ARHGAP6: variants seen among roughly 807,000 people sequenced by gnomAD.
ARHGAP6 encodes rho GTPase-activating protein 6.
Under a neutral mutation model 55.7 loss-of-function variants are expected in ARHGAP6, and 16 were observed. That is an observed-to-expected ratio of 0.29 (90% CI 0.19 to 0.44). ARHGAP6 has a LOEUF of 0.44. Ranked by LOEUF, ARHGAP6 falls within the 20% of genes least tolerant of loss-of-function variation. ARHGAP6 has a pLI of 1.00. For synonymous variants in ARHGAP6, 382 were observed against 360.9 expected, an observed-to-expected ratio of 1.06 and a Z score of -0.66; for missense variants, 698 against 808.9, an observed-to-expected ratio of 0.86 and a Z score of 1.66.
At chrX:11,590,458 C>CAA (rs111698496) in intron 1 of ARHGAP6, among the ~76,000 whole-genome samples, 2 of 103,348 alleles carry the variant, frequency 1.9e-5, no homozygotes, top group Non-Finnish European at 4.0e-5. Flanking sequence ...AATTATTAAA[C>CAA]AAAAAAAAAA....
At chrX:11,435,710 T>C (rs1393425675) in intron 1 of ARHGAP6, among the ~76,000 whole-genome samples, 1 of 111,938 alleles carries the variant, frequency 8.9e-6, no homozygotes, top group Non-Finnish European at 1.9e-5. Flanking sequence ...GCAGATAGCA[T>C]GAGACAAAGT....
Position 11,232,464 on chromosome X carries a change from TAC to T in ARHGAP6, c.748+22082_748+22083del, listed in dbSNP as rs1184749026. On this transcript the variant is annotated intron_variant, in intron 2 of 12. Transcript: ENST00000337414. ...GGTGAAACCTCATCTCTACTAAAAA[TAC>T]ACACAAAAAAAAAAAATTAGCTGGG... Among the ~76,000 whole-genome samples the T allele has an allele frequency of 3.3e-3, 349 of 106,703 alleles. 7 individuals carry two copies. Among genetic ancestry groups the T allele is most frequent in the Admixed American group, 0.031 (309 of 9,894 alleles). 92.7% of individuals were successfully genotyped at this position (106,703 alleles called of 115,157 possible).
intron 1 of ARHGAP6, among the ~76,000 whole-genome samples, chrX:11,367,616 T>G (rs1031087959): frequency 8.9e-6 from 1 of 112,555 alleles, no homozygotes; most frequent in African/African-American, 3.2e-5. Context: ...ATAAATAATA[T>G]GGTCATTTAA....
At chrX:11,487,858 T>C (rs111700183) in intron 1 of ARHGAP6, among the ~76,000 whole-genome samples, 9,235 of 111,647 alleles carry the variant, frequency 0.083, 411 homozygotes, top group East Asian at 0.18. Flanking sequence ...GTGATGGAAA[T>C]AGAAAATTAT....
intron 1 of ARHGAP6, among the ~76,000 whole-genome samples, chrX:11,328,977 T>G (rs747568538): frequency 1.8e-5 from 2 of 112,200 alleles, no homozygotes; most frequent in African/African-American, 6.5e-5. Context: ...AAAATCTAAT[T>G]CTGCAAAAGA....
chrX:11,572,820 T>C (rs1205243474), intron 1 of ARHGAP6, among the ~76,000 whole-genome samples: 1 of 111,560 alleles, frequency 9.0e-6, no homozygotes, highest in Non-Finnish European at 1.9e-5. Flanking sequence ...GTAAAAGTGT[T>C]CCTATTTCTC....
At chrX:11,564,078 A>G (rs1467878522) in intron 1 of ARHGAP6, among the ~76,000 whole-genome samples, 1 of 111,621 alleles carries the variant, frequency 9.0e-6, no homozygotes, top group Non-Finnish European at 1.9e-5. Context: ...CTTTTATTCC[A>G]ATGAAAAACA....
At chrX:11,296,144 C>T (rs887629880) in intron 1 of ARHGAP6, among the ~76,000 whole-genome samples, 2 of 112,632 alleles carry the variant, frequency 1.8e-5, no homozygotes, top group Non-Finnish European at 3.7e-5. Flanking sequence ...TTCCACTTTG[C>T]TCCACCCATC....
At chrX:11,311,234 C>T (rs752209570) in intron 1 of ARHGAP6, among the ~76,000 whole-genome samples, 6 of 111,758 alleles carry the variant, frequency 5.4e-5, no homozygotes, top group East Asian at 2.8e-4. Context: ...AAGAAAAGGT[C>T]GACATTCTTA....
intron 9 of ARHGAP6, among the ~76,000 whole-genome samples, chrX:11,159,916 A>G (rs967879409): frequency 4.5e-5 from 5 of 111,167 alleles, no homozygotes; most frequent in Non-Finnish European, 9.4e-5. Context: ...TCCAAAGATC[A>G]TCACCCAACA....
chrX:11,418,449 A>AG (rs1301145975), intron 1 of ARHGAP6, among the ~76,000 whole-genome samples: 1 of 112,033 alleles, frequency 8.9e-6, no homozygotes, highest in Non-Finnish European at 1.9e-5. Context: ...CCCATCAACC[A>AG]GAAAAAAAGC....
chrX:11,329,179 C>A (rs1398844999), intron 1 of ARHGAP6, among the ~76,000 whole-genome samples: 1 of 111,819 alleles, frequency 8.9e-6, no homozygotes, highest in Non-Finnish European at 1.9e-5. Flanking sequence ...GCAATGTTGG[C>A]ACCAGAGTTA....
intron 3 of ARHGAP6, among the ~76,000 whole-genome samples, chrX:11,191,446 C>T (rs1569249092): frequency 8.9e-6 from 1 of 111,878 alleles, no homozygotes; most frequent in Admixed American, 9.5e-5. Context: ...GGCTGGTGGG[C>T]CACCCCTGCT....
rs1005223583 is a variant in ARHGAP6, at chrX:11,276,213, TC to T, written c.589-21507del. Among the ~76,000 whole-genome samples the T allele has an allele frequency of 3.6e-5, 4 of 110,642 alleles. No individual in the cohort carries two copies. The Admixed American group carries it at 3.9e-4, about 11-fold the overall frequency. ...CTCCTATGTAACCATCACACTCATC[TC>T]CCCCCGACCCTGCCCCATCTCAGCT... On this transcript the variant is annotated intron_variant, in intron 1 of 12. Transcript: ENST00000337414.
intron 1 of ARHGAP6, among the ~76,000 whole-genome samples, chrX:11,433,520 C>T (rs953980557): frequency 1.2e-4 from 14 of 112,181 alleles, no homozygotes; most frequent in Non-Finnish European, 1.9e-4. Flanking sequence ...TCTCCAGCTA[C>T]GACTTTCCAA....
chrX:11,599,251 A>G (rs1421432682), intron 1 of ARHGAP6, among the ~76,000 whole-genome samples: 1 of 111,132 alleles, frequency 9.0e-6, no homozygotes, highest in Non-Finnish European at 1.9e-5. Context: ...CCTGATTTTA[A>G]TTCCTTTGGG....
Position 11,412,063 on chromosome X carries a change from T to C in ARHGAP6, c.589-157356A>G, listed in dbSNP as rs775049570. Among the ~76,000 whole-genome samples, 3 of 111,590 alleles carry C rather than the reference T, an allele frequency of 2.7e-5. No homozygotes were observed. The South Asian group carries it at 1.1e-3, about 42-fold the overall frequency. ...TAGAAAAAGATATATCAAAAATATATCTCTCCTTTAAGAAAATCCTATCTC... is the reference window on the plus strand; with the variant it reads ...TAGAAAAAGATATATCAAAAATATACCTCTCCTTTAAGAAAATCCTATCTC... On this transcript the variant is annotated intron_variant, in intron 1 of 12. Coordinates refer to ENST00000337414, the MANE Select transcript of ARHGAP6 (RefSeq NM_013427.3).
chrX:11,187,335 G>A (rs769741051), intron 4 of ARHGAP6, among the ~76,000 whole-genome samples: 6 of 111,164 alleles, frequency 5.4e-5, no homozygotes, highest in South Asian at 7.7e-4. Flanking sequence ...CGCATTTGCC[G>A]CACCCATACT....
At position 11,138,457 on chromosome X, in the gene ARHGAP6, T is replaced by A. The variant is rs1018296229; in HGVS notation, c.*406A>T. 7 of 139,649 alleles carry A rather than the reference T, an allele frequency of 5.0e-5. No homozygotes were observed. The highest frequency in any genetic ancestry group is 2.3e-4 in the East Asian group (1 of 4,430). 11.5% of individuals were successfully genotyped at this position (139,649 alleles called of 1,213,427 possible). On this transcript the variant is annotated 3_prime_UTR_variant, in exon 13 of 13. Transcript: ENST00000337414. Reference sequence around the variant, plus strand: ...AATATAAGTGAAGTGATTTTTTTTTTAAAAGTTCCTTTTGTTTTCTCTTTG... The same window carrying A: ...AATATAAGTGAAGTGATTTTTTTTTAAAAAGTTCCTTTTGTTTTCTCTTTG...
Sources: allele counts gnomAD v4.1 joint callset (sites outside exome capture counted in the v4.1 genomes callset), GRCh38; gene constraint gnomAD v4.1.1; transcripts MANE v1.5; gene names NCBI Gene and HGNC (gene_info 2026-07-23, HGNC 2026-07-21).